CUBN: variants seen among roughly 807,000 people sequenced by gnomAD.
The protein encoded by CUBN is 460 kDa receptor.
Under a neutral mutation model 405.3 loss-of-function variants are expected in CUBN, and 282 were observed. That is an observed-to-expected ratio of 0.70 (90% CI 0.63 to 0.77). The LOEUF is 0.77. Among genes scored for constraint, CUBN ranks in the 30% least tolerant of loss-of-function variants. The pLI is 0.00. For missense variants in CUBN, 4,514 were observed against 4,475.2 expected, an observed-to-expected ratio of 1.01 and a Z score of -0.25; for synonymous variants, 1,684 against 1,617.0, an observed-to-expected ratio of 1.04 and a Z score of -0.99.
At chr10:17,030,166 A>C (rs925190096) in intron 27 of CUBN, among the ~76,000 whole-genome samples, 1 of 152,224 alleles carries the variant, frequency 6.6e-6, no homozygotes, top group Non-Finnish European at 1.5e-5. Context: ...CAGGGCTCCC[A>C]CTGATTCTAC....
At chr10:16,878,550 C>T (rs1048702765) in intron 56 of CUBN, among the ~76,000 whole-genome samples, 4 of 152,166 alleles carry the variant, frequency 2.6e-5, no homozygotes, top group Non-Finnish European at 5.9e-5. Context: ...AAGTTAGATA[C>T]TGGCACTAAG....
chr10:16,928,715 A>G (rs143046403), intron 40 of CUBN, among the ~76,000 whole-genome samples: 162 of 151,986 alleles, frequency 1.1e-3, no homozygotes, highest in African/African-American at 3.4e-3. Flanking sequence ...TTTTTAGTAG[A>G]GGCAGGGGTT....
chr10:17,084,192 T>C, intron 17 of CUBN, 79 bp downstream of exon 17: 1 of 1,428,786 alleles, frequency 7.0e-7, no homozygotes. Flanking sequence ...GGCCCAACAA[T>C]CTTTTGAAGA....
intron 62 of CUBN, 43 bp from the exon 63 acceptor site, chr10:16,836,425 G>T (rs752217441): frequency 6.4e-7 from 1 of 1,573,632 alleles, no homozygotes; most frequent in South Asian, 1.1e-5. Flanking sequence ...TTTAGTCTTA[G>T]AAGAGAACAG....
intron 29 of CUBN, among the ~76,000 whole-genome samples, chr10:16,988,856 C>T (rs1833502038): frequency 1.3e-5 from 2 of 152,142 alleles, no homozygotes; most frequent in African/African-American, 4.8e-5. Context: ...GCCCATTAAT[C>T]TTTTTGAGCG....
intron 56 of CUBN, among the ~76,000 whole-genome samples, chr10:16,880,901 A>G (rs1840650390): frequency 6.6e-6 from 1 of 152,216 alleles, no homozygotes; most frequent in African/African-American, 2.4e-5. Context: ...CTGAACTTCA[A>G]TGGCCTTTTC....
At chr10:16,865,916 C>T (rs1356736860) in intron 59 of CUBN, among the ~76,000 whole-genome samples, 1 of 152,116 alleles carries the variant, frequency 6.6e-6, no homozygotes. Flanking sequence ...TCCATGGCTT[C>T]ATTCTTGAAG....
chr10:17,123,745 G>A (rs980818760), intron 4 of CUBN, 56 bp from the exon 5 acceptor site: 7 of 1,209,544 alleles, frequency 5.8e-6, no homozygotes, highest in Admixed American at 3.5e-5. Flanking sequence ...GCAACAAAAC[G>A]CATGTTACCG....
chr10:16,840,079 G>A (rs1839295467), intron 62 of CUBN, among the ~76,000 whole-genome samples: 1 of 114,588 alleles, frequency 8.7e-6, no homozygotes, highest in Non-Finnish European at 1.7e-5. Context: ...GGTGGGGGAA[G>A]AGGGGAGGGG....
intron 17 of CUBN, among the ~76,000 whole-genome samples, chr10:17,081,716 C>T (rs1479843062): frequency 1.3e-5 from 2 of 152,124 alleles, no homozygotes; most frequent in African/African-American, 4.8e-5. Flanking sequence ...AAGACAAGAG[C>T]TTTAACCAAA....
At chr10:17,082,564 A>G (rs1162023366) in intron 17 of CUBN, among the ~76,000 whole-genome samples, 1 of 152,178 alleles carries the variant, frequency 6.6e-6, no homozygotes, top group Non-Finnish European at 1.5e-5. Context: ...AAAGGGCCCC[A>G]AATTTCCCTG....
At chr10:16,887,951 A>G (rs1431141563) in intron 56 of CUBN, among the ~76,000 whole-genome samples, 1 of 152,352 alleles carries the variant, frequency 6.6e-6, no homozygotes, top group South Asian at 2.1e-4. Context: ...GGAGGACATT[A>G]TGCTAAGTGA....
At position 16,918,631 on chromosome 10, in the gene CUBN, A is replaced by G. The variant is rs767769110; in HGVS notation, c.6991T>C (p.Tyr2331His). Reference sequence around the variant, plus strand: ...TTAAAAAAATTATTACCTATAGAATACTTGGCCTTGAATCCCACATGTGTG... The same window carrying G: ...TTAAAAAAATTATTACCTATAGAATGCTTGGCCTTGAATCCCACATGTGTG... ...SPTHVGFKAK[Y>H]SIAQCGGRVP... is the part of the protein sequence containing the mutation. The change falls in exon 45 of 67, where the codon TAT becomes CAT. Residue 2331 changes from tyrosine (Y) to histidine (H), a missense_variant. Transcript: ENST00000377833. The G allele has an allele frequency of 1.2e-6, 2 of 1,613,218 alleles. No individual in the cohort carries two copies. The highest frequency in any genetic ancestry group is 3.3e-5 in the Admixed American group (2 of 59,984).
intron 17 of CUBN, among the ~76,000 whole-genome samples, chr10:17,073,116 T>C (rs1835776913): frequency 6.6e-6 from 1 of 152,140 alleles, no homozygotes; most frequent in Admixed American, 6.5e-5. Context: ...TAGAACGCTG[T>C]TACCAAATCC....
intron 62 of CUBN, among the ~76,000 whole-genome samples, chr10:16,838,197 C>T (rs1044270863): frequency 9.2e-5 from 14 of 152,192 alleles, no homozygotes; most frequent in African/African-American, 2.4e-4. Flanking sequence ...GCACATCTCA[C>T]GCCTCTCCAC....
At chr10:16,962,950 C>T (rs1843276587) in intron 31 of CUBN, among the ~76,000 whole-genome samples, 1 of 152,116 alleles carries the variant, frequency 6.6e-6, no homozygotes, top group Non-Finnish European at 1.5e-5. Flanking sequence ...AAGAATGAGG[C>T]TGTCCAGTGC....
intron 51 of CUBN, among the ~76,000 whole-genome samples, chr10:16,902,950 G>C (rs373135760): frequency 1.1e-4 from 16 of 151,812 alleles, no homozygotes; most frequent in African/African-American, 3.2e-4. Flanking sequence ...CTCGTGAAAA[G>C]GGACTAGAAA....
Position 16,949,992 on chromosome 10 carries a change from C to G in CUBN, c.5080+9G>C, listed in dbSNP as rs758529036. On this transcript the variant is annotated intron_variant, in intron 34 of 66. Transcript: ENST00000377833. ...GACCACAGATGTAGATGAGTGAACG[C>G]TGAGGTACCTCGGAGGGGCGCGTCT... is the stretch of plus-strand genomic sequence containing the variant. The G allele has an allele frequency of 6.2e-6, 10 of 1,603,960 alleles. No individual in the cohort carries two copies. In the South Asian group the frequency reaches 9.9e-5, roughly 16 times the overall value.
Position 16,913,920 on chromosome 10 carries a change from C to G in CUBN, c.7424G>C (p.Gly2475Ala), listed in dbSNP as rs761622701. The stretch of plus-strand genomic sequence containing the variant: ...AGTGATTCTCCACTCGCAGATCCGG[C>G]CATGAGGATTTGGGTTCGGGTAGTT... ...SPNYPNPNPH[G>A]RICEWRITAP... is the part of the protein sequence containing the mutation. The change falls in exon 48 of 67, where the codon GGC becomes GCC. Residue 2475 changes from glycine to alanine, a missense_variant. This residue lies in a region of CUBN where 1,613 missense variants were observed against 1,542.8 expected (regional missense o/e 1.05). Transcript: ENST00000377833. 6.2e-7 allele frequency: 1 copy of G among 1,614,062 alleles called. No individual in the cohort carries two copies. Among genetic ancestry groups the G allele is most frequent in the Non-Finnish European group, 8.5e-7 (1 of 1,180,016 alleles).
Sources: allele counts gnomAD v4.1 joint callset (sites outside exome capture counted in the v4.1 genomes callset), GRCh38; gene constraint gnomAD v4.1.1; regional missense constraint gnomAD v4.1.1; transcripts MANE v1.5; gene names NCBI Gene and HGNC (gene_info 2026-07-23, HGNC 2026-07-21).